Variants in PARD3B observed in about 807,000 individuals in gnomAD.
The protein encoded by PARD3B is par-3 family cell polarity regulator beta, also known as partitioning defective 3 homolog B.
Under a neutral mutation model 130.2 loss-of-function variants are expected in PARD3B, and 103 were observed. The ratio of observed to expected loss-of-function variants is 0.79; its 90% CI spans 0.67 to 0.93. The LOEUF is 0.93. PARD3B is among the 40% of genes least tolerant of loss of function. The pLI is 0.00. For synonymous variants in PARD3B, 583 were observed against 553.2 expected, an observed-to-expected ratio of 1.05 and a Z score of -0.76; for missense variants, 1,609 against 1,499.2, an observed-to-expected ratio of 1.07 and a Z score of -1.21.
rs1333038612 is a variant in PARD3B at position 205,116,189 on chromosome 2, T to A, written c.680+2612T>A. Among the ~76,000 whole-genome samples the A allele has an allele frequency of 6.6e-6, 1 of 152,210 alleles. No homozygotes were observed. ...CAACTAAAATGCAACTTAATTTTAT[T>A]CAGATTTTTAAAATCAATGTGGTTT... On this transcript the variant is annotated intron_variant, in intron 6 of 22. Transcript: ENST00000406610. The surrounding 1 kb of genome is among the most constrained non-coding windows in gnomAD (Gnocchi z 4.5).
At chr2:205,088,600 G>C (rs748738399) in intron 4 of PARD3B, among the ~76,000 whole-genome samples, 1 of 152,014 alleles carries the variant, frequency 6.6e-6, no homozygotes. Flanking sequence ...CACTATGTTC[G>C]GGCAAAACTC....
Position 205,530,790 on chromosome 2 carries a change from A to C in PARD3B, c.3181-22534A>C, listed in dbSNP as rs555818053. 1.7e-4 allele frequency among the ~76,000 whole-genome samples: 26 copies of C among 152,340 alleles called. No individual in the cohort carries two copies. The highest frequency in any genetic ancestry group is 1.2e-3 in the South Asian group (6 of 4,826). Reference sequence around the variant, plus strand: ...TCCTGGATTGGCCACACAGATACTCATGCTGGACGATTCAAGAAGATGAAA... The same window carrying C: ...TCCTGGATTGGCCACACAGATACTCCTGCTGGACGATTCAAGAAGATGAAA... On this transcript the variant is annotated intron_variant, in intron 21 of 22. Transcript: ENST00000406610. This position sits in a 1 kb window ranked among gnomAD's most constrained non-coding sequence, Gnocchi z 4.7.
rs2039545385 is a variant in PARD3B at position 205,245,764 on chromosome 2, TTTC to T, written c.2141-9_2141-7del. 1 of 1,586,704 alleles carries T rather than the reference TTTC, an allele frequency of 6.3e-7. No homozygotes were observed. The highest frequency in any genetic ancestry group is 8.6e-7 in the Non-Finnish European group (1 of 1,157,314). ...GCCGGTCTGATCCTTGTCTCTTTTA[TTTC>T]TTCTCCTCAGTGCCAGATGAAAGCA... On this transcript the variant is annotated splice_polypyrimidine_tract_variant and intron_variant, in intron 15 of 22. Transcript: ENST00000406610.
intron 19 of PARD3B, among the ~76,000 whole-genome samples, chr2:205,402,615 G>A (rs181356291): frequency 6.6e-6 from 1 of 152,196 alleles, no homozygotes. Context: ...CTTTAAGCAA[G>A]GGTTCATTTC....
intron 1 of PARD3B, among the ~76,000 whole-genome samples, chr2:204,674,845 A>G (rs77273033): frequency 3.2e-3 from 482 of 152,350 alleles, no homozygotes; most frequent in Non-Finnish European, 5.6e-3. Flanking sequence ...GTTAGCATAC[A>G]AAGATGCCAA....
intron 2 of PARD3B, among the ~76,000 whole-genome samples, chr2:204,746,829 T>G (rs901574189): frequency 3.2e-4 from 49 of 152,132 alleles, no homozygotes; most frequent in African/African-American, 1.2e-3. Context: ...GATGGGGTTG[T>G]TTTTTTCTTG....
At chr2:205,507,850 G>A (rs2050433741) in intron 21 of PARD3B, among the ~76,000 whole-genome samples, 1 of 152,192 alleles carries the variant, frequency 6.6e-6, no homozygotes, top group Non-Finnish European at 1.5e-5. Context: ...TATTTGTTAT[G>A]TAAAAGGAGA....
chr2:205,498,629 G>T (rs985863228), intron 20 of PARD3B, among the ~76,000 whole-genome samples: 1 of 152,180 alleles, frequency 6.6e-6, no homozygotes, highest in African/African-American at 2.4e-5. Flanking sequence ...AAGAAGTTGA[G>T]GACCAGTGCT....
Position 205,334,615 on chromosome 2 carries a change from C to G in PARD3B, c.2630+32914C>G, listed in dbSNP as rs535278114. Among the ~76,000 whole-genome samples the G allele has an allele frequency of 5.9e-5, 9 of 152,316 alleles. No homozygotes were observed. In the East Asian group the frequency reaches 1.7e-3, roughly 29 times the overall value. On this transcript the variant is annotated intron_variant, in intron 18 of 22. Coordinates refer to ENST00000406610, the MANE Select transcript of PARD3B (RefSeq NM_001302769.2). ...CCAGACAGTTTCTTAGTTAGAATAT[C>G]ACCTCTGCTTTTTGAAGTCTTACAA... is the stretch of plus-strand genomic sequence containing the variant.
At chr2:204,726,325 C>A (rs2039225685) in intron 2 of PARD3B, among the ~76,000 whole-genome samples, 1 of 152,158 alleles carries the variant, frequency 6.6e-6, no homozygotes, top group Non-Finnish European at 1.5e-5. Context: ...AGTTTAGCTG[C>A]TGGTTCATCC....
At chr2:205,582,616 T>C (rs115527469) in intron 22 of PARD3B, among the ~76,000 whole-genome samples, 2,291 of 152,266 alleles carry the variant, frequency 0.015, 35 homozygotes, top group East Asian at 0.024. Flanking sequence ...TCAAATATTT[T>C]TGGCAGTGAA....
At chr2:205,222,639 T>C (rs2038303785) in intron 15 of PARD3B, among the ~76,000 whole-genome samples, 1 of 152,234 alleles carries the variant, frequency 6.6e-6, no homozygotes, top group Non-Finnish European at 1.5e-5. Flanking sequence ...TAGTGAATAA[T>C]GGCCGTTTGC....
chr2:204,661,676 T>C (rs1175969594), intron 1 of PARD3B, among the ~76,000 whole-genome samples: 2 of 152,252 alleles, frequency 1.3e-5, no homozygotes, highest in Admixed American at 1.3e-4. Flanking sequence ...TAAGGGATTC[T>C]AAATTATTTA....
At chr2:204,948,471 T>A (rs1689509612) in intron 2 of PARD3B, among the ~76,000 whole-genome samples, 1 of 152,202 alleles carries the variant, frequency 6.6e-6, no homozygotes, top group South Asian at 2.1e-4. Flanking sequence ...CATGGAGCAC[T>A]TACTTGAGAC....
chr2:204,654,002 C>T (rs12694008), intron 1 of PARD3B, among the ~76,000 whole-genome samples: 102,261 of 150,696 alleles, frequency 0.68, 38,312 homozygotes, highest in South Asian at 0.81. Flanking sequence ...ATGAGAGTCT[C>T]CAGTTTAAAA....
intron 18 of PARD3B, among the ~76,000 whole-genome samples, chr2:205,361,171 T>C (rs1671819855): frequency 6.6e-6 from 1 of 152,202 alleles, no homozygotes; most frequent in South Asian, 2.1e-4. Context: ...TAATTTACAG[T>C]GAGACAGATA....
intron 1 of PARD3B, among the ~76,000 whole-genome samples, chr2:204,577,712 C>T (rs1574489220): frequency 6.6e-6 from 1 of 152,118 alleles, no homozygotes; most frequent in African/African-American, 2.4e-5. Context: ...GCTGGGACTA[C>T]AGCATGTGCC....
chr2:204,785,931 G>A (rs1341743208), intron 2 of PARD3B, among the ~76,000 whole-genome samples: 1 of 151,924 alleles, frequency 6.6e-6, no homozygotes, highest in Admixed American at 6.5e-5. Flanking sequence ...GGCCAACATG[G>A]TGAAACCCCC....
At chr2:204,858,941 A>G (rs2045070729) in intron 2 of PARD3B, among the ~76,000 whole-genome samples, 1 of 151,750 alleles carries the variant, frequency 6.6e-6, no homozygotes. Flanking sequence ...AAAATTATGC[A>G]TCATTCTCAT....
Sources: gnomAD v4.1 joint callset for allele counts (sites outside exome capture counted in the v4.1 genomes callset) on GRCh38, gnomAD v4.1.1 for gene constraint, Gnocchi (gnomAD v3.1) non-coding constraint, MANE v1.5 for transcripts, NCBI Gene and HGNC (gene_info 2026-07-23, HGNC 2026-07-21) for gene names.